Variants in AGPAT3 observed in about 807,000 individuals in gnomAD.
The protein encoded by AGPAT3 is 1-acylglycerol-3-phosphate O-acyltransferase 3.
AGPAT3 carries 5 observed loss-of-function variants against 47.3 expected under a neutral mutation model. The ratio of observed to expected loss-of-function variants is 0.11; its 90% confidence interval spans 0.06 to 0.22. The LOEUF is 0.22. Ranked by LOEUF, AGPAT3 falls within the 10% of genes least tolerant of loss-of-function variation. AGPAT3 has a pLI of 1.00. For missense variants in AGPAT3, 315 were observed against 493.0 expected, an observed-to-expected ratio of 0.64 and a Z score of 3.42; for synonymous variants, 212 against 208.3, an observed-to-expected ratio of 1.02 and a Z score of -0.15.
intron 2 of AGPAT3, among the ~76,000 whole-genome samples, chr21:43,940,427 A>G (rs1210671279): frequency 6.6e-6 from 1 of 152,094 alleles, no homozygotes; most frequent in Non-Finnish European, 1.5e-5. Flanking sequence ...TCTGCATGTC[A>G]ACAAACCCTG....
rs1018207551 is a variant in AGPAT3 at position 43,954,134 on chromosome 21, C to T, written c.-48-5500C>T. On this transcript the variant is annotated intron_variant, in intron 2 of 9. Coordinates refer to ENST00000291572, the MANE Select transcript of AGPAT3 (RefSeq NM_020132.5). This position sits in a 1 kb window ranked among gnomAD's most constrained non-coding sequence, Gnocchi z 4.0. ...CTAGGGGGCCACTGAGTCCAGGCCC[C>T]TCCCAATGCTTTCCTGCTCTGCCAG... is the stretch of plus-strand genomic sequence containing the variant. Among the ~76,000 whole-genome samples, 4 of 152,270 alleles carry T rather than the reference C, an allele frequency of 2.6e-5. No homozygotes were observed. The highest frequency in any genetic ancestry group is 9.6e-5 in the African/African-American group (4 of 41,476).
At chr21:43,883,621 T>A (rs1384661761) in intron 1 of AGPAT3, among the ~76,000 whole-genome samples, 1 of 152,128 alleles carries the variant, frequency 6.6e-6, no homozygotes, top group Non-Finnish European at 1.5e-5. Context: ...GGAGATGGAG[T>A]TTCGCTCTGT....
At chr21:43,968,786 G>A (rs775269093) in intron 4 of AGPAT3, among the ~76,000 whole-genome samples, 24 of 152,094 alleles carry the variant, frequency 1.6e-4, no homozygotes, top group Non-Finnish European at 2.2e-4. Flanking sequence ...ACTACTCCCC[G>A]ATGCTGGCAG....
At chr21:43,914,035 A>AT (rs2086680743) in intron 2 of AGPAT3, among the ~76,000 whole-genome samples, 1 of 152,180 alleles carries the variant, frequency 6.6e-6, no homozygotes, top group Non-Finnish European at 1.5e-5. Context: ...CCTGTTTTCT[A>AT]TTTTTATCAG....
chr21:43,981,134 T>C lies in AGPAT3; in HGVS notation c.989T>C (p.Phe330Ser), dbSNP rs761703734. Residue 330 changes from phenylalanine (F) to serine (S), a missense_variant, in exon 9 of 10, where the codon TTT becomes TCT. Physicochemically the swap from Phe to Ser is radical, Grantham distance 155. Coordinates refer to ENST00000291572, the MANE Select transcript of AGPAT3 (RefSeq NM_020132.5). This position sits in a 1 kb window ranked among gnomAD's most constrained non-coding sequence, Gnocchi z 5.3. The part of the protein sequence containing the change: ...SPLFSFVLGV[F>S]ASGSPLLILT... ...CTCTTCAGTTTTGTCTTGGGCGTCT[T>C]TGCCAGCGGATCACCTCTCCTGATC... is the stretch of plus-strand genomic sequence containing the variant. 6.2e-7 allele frequency: 1 copy of C among 1,614,180 alleles called. No homozygotes were observed. Among genetic ancestry groups the C allele is most frequent in the Non-Finnish European group, 8.5e-7 (1 of 1,180,030 alleles).
At chr21:43,875,498 C>T (rs201870786) in intron 1 of AGPAT3, among the ~76,000 whole-genome samples, 32 of 152,338 alleles carry the variant, frequency 2.1e-4, no homozygotes, top group East Asian at 1.7e-3. Context: ...CTTAAACTCT[C>T]GTTCATGTTT....
rs908048795 is a variant in AGPAT3, at chr21:43,933,805, A to G, written c.-48-25829A>G. 6.6e-6 allele frequency among the ~76,000 whole-genome samples: 1 copy of G among 151,910 alleles called. No individual in the cohort carries two copies. Among genetic ancestry groups the G allele is most frequent in the Non-Finnish European group, 1.5e-5 (1 of 67,976 alleles). On this transcript the variant is annotated intron_variant, in intron 2 of 9. Transcript: ENST00000291572. This position sits in a 1 kb window ranked among gnomAD's most constrained non-coding sequence, Gnocchi z 6.0. The stretch of plus-strand genomic sequence containing the variant: ...AAGCACAGGCCCAAGCACCAGCTGC[A>G]AGAGCCAGAGGACGGCACTCCCGCG...
chr21:43,917,692 C>T (rs1194175427), intron 2 of AGPAT3, among the ~76,000 whole-genome samples: 1 of 151,880 alleles, frequency 6.6e-6, no homozygotes, highest in Non-Finnish European at 1.5e-5. Context: ...AGGAGGCTGG[C>T]AGGTGGGGGT....
At chr21:43,903,662 C>T (rs561286346) in intron 1 of AGPAT3, among the ~76,000 whole-genome samples, 32 of 152,316 alleles carry the variant, frequency 2.1e-4, no homozygotes, top group African/African-American at 6.5e-4. Context: ...GTGGCTTTTC[C>T]GTGTCCTTCC....
intron 2 of AGPAT3, among the ~76,000 whole-genome samples, chr21:43,942,824 C>T (rs1478476306): frequency 6.6e-6 from 1 of 152,164 alleles, no homozygotes; most frequent in Non-Finnish European, 1.5e-5. Flanking sequence ...GGTGGCACGG[C>T]GGTGCCATTG....
At chr21:43,869,772 G>A (rs2085581787) in intron 1 of AGPAT3, among the ~76,000 whole-genome samples, 1 of 152,218 alleles carries the variant, frequency 6.6e-6, no homozygotes, top group East Asian at 1.9e-4. Context: ...GTCTCAGCAA[G>A]GAGGCTGTGG....
At chr21:43,915,055 T>C (rs2086698291) in intron 2 of AGPAT3, among the ~76,000 whole-genome samples, 1 of 152,056 alleles carries the variant, frequency 6.6e-6, no homozygotes, top group African/African-American at 2.4e-5. Flanking sequence ...ATTTTGATGA[T>C]TATTTCCTCT....
chr21:43,959,841 G>A lies in AGPAT3; in HGVS notation c.160G>A (p.Ala54Thr). 2 of 1,609,258 alleles carry A rather than the reference G, an allele frequency of 1.2e-6. No individual in the cohort carries two copies. Among genetic ancestry groups the A allele is most frequent in the Non-Finnish European group, 1.7e-6 (2 of 1,179,584 alleles). The part of the protein sequence containing the change: ...QLYRRLNCRL[A>T]YSLWSQLVML... ...CTACCGCCGCCTCAACTGCCGCCTCGCCTACTCACTCTGGAGCCGTGAGTG... is the reference window on the plus strand; with the variant it reads ...CTACCGCCGCCTCAACTGCCGCCTCACCTACTCACTCTGGAGCCGTGAGTG... The change falls in exon 3 of 10, where the codon GCC (alanine) becomes ACC (threonine). Residue 54 changes from alanine (A) to threonine (T), a missense_variant. Ala to Thr is a moderately conservative substitution (Grantham distance 58). Transcript: ENST00000291572.
At chr21:43,976,746 T>G (rs2089635690) in intron 7 of AGPAT3, among the ~76,000 whole-genome samples, 2 of 152,154 alleles carry the variant, frequency 1.3e-5, no homozygotes, top group African/African-American at 4.8e-5. Context: ...TGTTCAGATA[T>G]GTGTTTTTCT....
At chr21:43,876,533 G>A (rs2085737541) in intron 1 of AGPAT3, among the ~76,000 whole-genome samples, 1 of 152,232 alleles carries the variant, frequency 6.6e-6, no homozygotes, top group African/African-American at 2.4e-5. Flanking sequence ...GGCTCACAAA[G>A]GGGATGTCTA....
intron 2 of AGPAT3, among the ~76,000 whole-genome samples, chr21:43,945,016 C>A (rs2087823259): frequency 6.6e-6 from 1 of 152,236 alleles, no homozygotes; most frequent in Non-Finnish European, 1.5e-5. Context: ...AAGTCGGACC[C>A]TTTCTCAGAA....
chr21:43,946,311 TGCATGAGGCCAG>T (rs2087886680), intron 2 of AGPAT3, among the ~76,000 whole-genome samples: 1 of 152,114 alleles, frequency 6.6e-6, no homozygotes, highest in Non-Finnish European at 1.5e-5. Context: ...TAATGAAAAG[TGCATGAGGCCAG>T]GCACAGTGGC....
chr21:43,883,084 G>A (rs1022785653), intron 1 of AGPAT3, among the ~76,000 whole-genome samples: 6 of 152,250 alleles, frequency 3.9e-5, no homozygotes, highest in African/African-American at 1.2e-4. Context: ...TGAATTGCTG[G>A]AGACTGTGAA....
At chr21:43,950,686 G>A (rs57209759) in intron 2 of AGPAT3, 18,289 of 152,318 alleles carry the variant, frequency 0.12, 1,229 homozygotes, top group Middle Eastern at 0.18. Flanking sequence ...GGGGCCTCAA[G>A]TCCTGGGCTC....
Sources: allele counts gnomAD v4.1 joint callset (sites outside exome capture counted in the v4.1 genomes callset), GRCh38; gene constraint gnomAD v4.1.1; non-coding constraint Gnocchi (gnomAD v3.1); transcripts MANE v1.5; gene names NCBI Gene and HGNC (gene_info 2026-07-23, HGNC 2026-07-21).